The following ROS1 variants were observed in gnomAD, a reference collection of about 807,000 sequenced individuals.
ROS1 encodes ROS proto-oncogene 1, receptor tyrosine kinase.
ROS1 carries 263 observed loss-of-function variants against 273.5 expected under a neutral mutation model. The ratio of observed to expected loss-of-function variants is 0.96; its 90% CI spans 0.87 to 1.06. The LOEUF is 1.06. Ranked by LOEUF, ROS1 falls within the 50% of genes least tolerant of loss-of-function variation. The probability of loss-of-function intolerance (pLI) is 0.00; values close to 1 mark genes in which losing one functional copy is unlikely to be tolerated. For synonymous variants in ROS1, 1,008 were observed against 954.1 expected, an observed-to-expected ratio of 1.06 and a Z score of -1.04; for missense variants, 2,833 against 2,751.1, an observed-to-expected ratio of 1.03 and a Z score of -0.67.
In ROS1 at chr6:117,360,272, G is replaced by GTA. The variant is rs1562313829; in HGVS notation, c.3430+69_3430+70insTA. The GTA allele has an allele frequency of 2.1e-4, 71 of 341,036 alleles. No individual in the cohort carries two copies. In the African/African-American group the frequency reaches 5.8e-3, roughly 28 times the overall value. The allele number at this position is 341,036 out of a possible 1,614,324, so 21.1% of individuals were successfully genotyped here. On this transcript the variant is annotated intron_variant, in intron 23 of 43. Transcript: ENST00000368507. The stretch of plus-strand genomic sequence containing the variant: ...GTTCATATCCCTAAAGACACCAATG[G>GTA]GACACACACACACACACACACACAC...
chr6:117,314,364 A>G (rs1173678220), intron 39 of ROS1, among the ~76,000 whole-genome samples: 2 of 152,114 alleles, frequency 1.3e-5, no homozygotes, highest in Non-Finnish European at 2.9e-5. Context: ...CTGACTGCCT[A>G]CAGAAAGAAA....
chr6:117,402,241 G>GT (rs1774007284), intron 7 of ROS1, among the ~76,000 whole-genome samples: 1 of 152,122 alleles, frequency 6.6e-6, no homozygotes, highest in Non-Finnish European at 1.5e-5. Flanking sequence ...GTTCAGCCAC[G>GT]TGGGCCTTCT....
In ROS1 at chr6:117,356,787, G is replaced by A. The variant is rs2128644095; in HGVS notation, c.3968C>T (p.Ser1323Phe). Residue 1323 changes from serine (S) to phenylalanine (F), a missense_variant, in exon 26 of 44, where the codon TCT (serine) becomes TTT (phenylalanine). Ser to Phe is a radical substitution (Grantham distance 155). Transcript: ENST00000368507. ...TNQQNKRNQC[S>F]CNVTEFELSG... is the part of the protein sequence containing the mutation. ...TAACTCAAATTCAGTCACATTACAA[G>A]AACATTGATTCCTTTTGTTTTGTTG... 1 of 1,614,100 alleles carries A rather than the reference G, an allele frequency of 6.2e-7. No homozygotes were observed. The highest frequency in any genetic ancestry group is 8.5e-7 in the Non-Finnish European group (1 of 1,180,028).
chr6:117,347,612 A>C (rs1778484221), intron 27 of ROS1, among the ~76,000 whole-genome samples: 1 of 152,034 alleles, frequency 6.6e-6, no homozygotes, highest in Non-Finnish European at 1.5e-5. Context: ...GCAGTGTTGA[A>C]AAGAAATTGG....
intron 12 of ROS1, 23 bp from the exon 13 acceptor site, chr6:117,389,869 C>G: frequency 6.3e-7 from 1 of 1,586,180 alleles, no homozygotes; most frequent in Non-Finnish European, 8.6e-7. Context: ...CAAAAGAAAC[C>G]TCATGAGATT....
chr6:117,352,851 C>T, intron 27 of ROS1, 139 bp downstream of exon 27: 1 of 713,838 alleles, frequency 1.4e-6, no homozygotes, highest in Non-Finnish European at 2.3e-6. Context: ...ACAGTGCACA[C>T]AGAAGACTAG....
At chr6:117,414,145 T>A (rs373015621) in intron 4 of ROS1, among the ~76,000 whole-genome samples, 44 of 152,256 alleles carry the variant, frequency 2.9e-4, no homozygotes, top group African/African-American at 9.4e-4. Flanking sequence ...GAAAATGGAA[T>A]CAGCAGAGAT....
chr6:117,314,486 T>C (rs1775762724), intron 39 of ROS1, among the ~76,000 whole-genome samples: 1 of 152,146 alleles, frequency 6.6e-6, no homozygotes, highest in African/African-American at 2.4e-5. Flanking sequence ...AAAAAGAACG[T>C]TTAGGTTATT....
chr6:117,414,785 C>T (rs1775210979), intron 3 of ROS1, among the ~76,000 whole-genome samples: 1 of 152,170 alleles, frequency 6.6e-6, no homozygotes, highest in Admixed American at 6.5e-5. Flanking sequence ...TGATGTCCAC[C>T]AGAAAAATCT....
At chr6:117,366,894 T>G (rs2128663801) in intron 18 of ROS1, among the ~76,000 whole-genome samples, 2 of 152,338 alleles carry the variant, frequency 1.3e-5, no homozygotes, top group Middle Eastern at 6.8e-3. Flanking sequence ...CTTGTGATTT[T>G]GGTAATACTC....
At chr6:117,311,996 C>A (rs2128551013) in intron 39 of ROS1, among the ~76,000 whole-genome samples, 1 of 152,158 alleles carries the variant, frequency 6.6e-6, no homozygotes, top group East Asian at 1.9e-4. Flanking sequence ...TTTGTTGTGA[C>A]CCCCTTCCTG....
In ROS1 at chr6:117,288,604, G is replaced by C. The variant is rs1773596227; in HGVS notation, c.6914C>G (p.Ala2305Gly). 3 of 1,614,172 alleles carry C rather than the reference G, an allele frequency of 1.9e-6. No individual in the cohort carries two copies. The highest frequency in any genetic ancestry group is 4.5e-5 in the East Asian group (2 of 44,878). ...TTTTTCTTGGCAGAAATCTTTGTCT[G>C]CATGTGGTTCCTTCTCTTCTTTCCT... is the stretch of plus-strand genomic sequence containing the variant. Reference protein sequence around the residue: ...GLRKEEKEPHADKDFCQEKQV... With the variant: ...GLRKEEKEPHGDKDFCQEKQV... The change falls in exon 44 of 44, where the codon GCA becomes GGA. Residue 2305 changes from alanine (A) to glycine (G), a missense_variant. By Grantham distance (60) the Ala-to-Gly change is moderately conservative (BLOSUM62 0). Transcript: ENST00000368507.
chr6:117,338,077 T>A (rs1227501153), intron 31 of ROS1, among the ~76,000 whole-genome samples: 1 of 152,108 alleles, frequency 6.6e-6, no homozygotes, highest in Non-Finnish European at 1.5e-5. Context: ...ATCCTTAGTA[T>A]CATTATTTGA....
At chr6:117,363,847 G>A (rs1779998269) in intron 21 of ROS1, among the ~76,000 whole-genome samples, 1 of 151,854 alleles carries the variant, frequency 6.6e-6, no homozygotes, top group African/African-American at 2.4e-5. Context: ...CCTGTTTTAT[G>A]AACTCCATCA....
At chr6:117,394,077 C>T in intron 11 of ROS1, 85 bp downstream of exon 11, 1 of 823,010 alleles carries the variant, frequency 1.2e-6, no homozygotes, top group South Asian at 2.3e-5. Context: ...TTGAATAAGG[C>T]AATTGTGTTT....
intron 1 of ROS1, among the ~76,000 whole-genome samples, chr6:117,425,267 T>C (rs1465714365): frequency 6.6e-6 from 1 of 152,142 alleles, no homozygotes; most frequent in Non-Finnish European, 1.5e-5. Context: ...ATTGGCAAAA[T>C]TGATTCCATT....
intron 7 of ROS1, among the ~76,000 whole-genome samples, chr6:117,402,019 C>T (rs1773986613): frequency 1.3e-5 from 2 of 152,168 alleles, no homozygotes; most frequent in African/African-American, 2.4e-5. Context: ...CTTCCTCCCA[C>T]ACCCCAGAGT....
chr6:117,292,163 G>A (rs189047127), intron 43 of ROS1, among the ~76,000 whole-genome samples: 45 of 151,950 alleles, frequency 3.0e-4, no homozygotes, highest in South Asian at 2.3e-3. Context: ...GTAGAGACGC[G>A]GTTTCACCAT....
intron 28 of ROS1, among the ~76,000 whole-genome samples, chr6:117,342,873 A>G (rs1238590697): frequency 6.6e-6 from 1 of 152,192 alleles, no homozygotes; most frequent in African/African-American, 2.4e-5. Context: ...CATGTGACAC[A>G]TATGTGAATA....
Sources: allele counts gnomAD v4.1 joint callset (sites outside exome capture counted in the v4.1 genomes callset), GRCh38; gene constraint gnomAD v4.1.1; transcripts MANE v1.5; gene names NCBI Gene and HGNC (gene_info 2026-07-23, HGNC 2026-07-21).